DENND6B: variants seen among roughly 807,000 people sequenced by gnomAD.
DENND6B encodes the protein protein DENND6B.
DENND6B carries 73 observed loss-of-function variants against 85.1 expected under a neutral mutation model. The observed-to-expected ratio is 0.86, with a 90% CI of 0.71 to 1.04. DENND6B has a LOEUF of 1.04. DENND6B is among the 50% of genes least tolerant of loss of function. The pLI, the probability that DENND6B is intolerant of heterozygous loss-of-function variation, is 0.00. For missense variants in DENND6B, 715 were observed against 785.8 expected, an observed-to-expected ratio of 0.91 and a Z score of 1.08; for synonymous variants, 357 against 329.3, an observed-to-expected ratio of 1.08 and a Z score of -0.91.
chr22:50,313,567 GT>G, intron 15 of DENND6B, 67 bp downstream of exon 15: 7 of 135,564 alleles, frequency 5.2e-5, no homozygotes, highest in South Asian at 1.9e-4. Context: ...CCGCAGCCCC[GT>G]CCCCCCCAAC....
At position 50,312,035 on chromosome 22, in the gene DENND6B, G is replaced by A. The variant is rs891431405; in HGVS notation, c.*104C>T. 15 of 1,506,058 alleles carry A rather than the reference G, an allele frequency of 1.0e-5. No individual in the cohort carries two copies. The African/African-American group carries it at 1.8e-4, about 18-fold the overall frequency. 93.3% of individuals were successfully genotyped at this position (1,506,058 alleles called of 1,614,324 possible). On this transcript the variant is annotated 3_prime_UTR_variant, in exon 20 of 20. Coordinates refer to ENST00000413817, the MANE Select transcript of DENND6B (RefSeq NM_001001794.4). ...AAGGGGAGCCTGCAGTCTGGGCGGG[G>A]GGCCAAGGAAGGGGAGCGTGTGCTT... is the stretch of plus-strand genomic sequence containing the variant.
chr22:50,319,353 G>A, intron 1 of DENND6B: 1 of 985,230 alleles, frequency 1.0e-6, no homozygotes, highest in Non-Finnish European at 1.2e-6. Context: ...ACCTCCCCAG[G>A]CCCCTCTCAG....
At chr22:50,318,043 C>G in intron 3 of DENND6B, 23 bp from the exon 4 acceptor site, 3 of 1,610,434 alleles carry the variant, frequency 1.9e-6, no homozygotes, top group Non-Finnish European at 2.5e-6. Flanking sequence ...AGCCCCACCA[C>G]ACGGGTCAAG....
In DENND6B at chr22:50,314,197, G is replaced by C. The variant is rs1310882887; in HGVS notation, c.1138+10C>G. Reference sequence around the variant, plus strand: ...CGGTGGAGGGGCTCCAGGTCGAGGGGAGCACAGACCTGGCTTGGTGTCCAG... The same window carrying C: ...CGGTGGAGGGGCTCCAGGTCGAGGGCAGCACAGACCTGGCTTGGTGTCCAG... On this transcript the variant is annotated intron_variant, in intron 13 of 19. Transcript: ENST00000413817. 6 of 1,599,292 alleles carry C rather than the reference G, an allele frequency of 3.8e-6. No homozygotes were observed. The highest frequency in any genetic ancestry group is 3.3e-5 in the Admixed American group (2 of 59,828).
At chr22:50,315,650 G>T in intron 9 of DENND6B, 64 bp downstream of exon 9, 1 of 1,513,856 alleles carries the variant, frequency 6.6e-7, no homozygotes, top group South Asian at 1.2e-5. Flanking sequence ...ACACATGCAC[G>T]TACATGCACG....
chr22:50,316,166 G>T lies in DENND6B; in HGVS notation c.639+8C>A. ...GCAGAGCCTACTCCCCAGCCAGCTG[G>T]CTCTCACCTGGACAACAACGCCCAT... On this transcript the variant is annotated splice_region_variant and intron_variant, in intron 7 of 19. Transcript: ENST00000413817. 1 of 1,612,454 alleles carries T rather than the reference G, an allele frequency of 6.2e-7. No individual in the cohort carries two copies. The highest frequency in any genetic ancestry group is 8.5e-7 in the Non-Finnish European group (1 of 1,179,850).
chr22:50,326,096 A>C (rs2042181438), intron 1 of DENND6B, among the ~76,000 whole-genome samples: 1 of 152,254 alleles, frequency 6.6e-6, no homozygotes, highest in Non-Finnish European at 1.5e-5. Flanking sequence ...GACACAGAGA[A>C]GATCATCCTG....
At chr22:50,319,198 C>CT in intron 1 of DENND6B, 195 bp from the exon 2 acceptor site, 1 of 1,499,240 alleles carries the variant, frequency 6.7e-7, no homozygotes, top group Non-Finnish European at 8.9e-7. Flanking sequence ...ACCATATTCT[C>CT]TGTGTTCCAA....
chr22:50,312,958 C>T, intron 17 of DENND6B, 41 bp downstream of exon 17: 1 of 1,525,372 alleles, frequency 6.6e-7, no homozygotes, highest in Non-Finnish European at 8.9e-7. Context: ...ACCCTGTGGA[C>T]CAAGGAGGGC....
intron 1 of DENND6B, among the ~76,000 whole-genome samples, chr22:50,323,020 C>CTT (rs386395718): frequency 0.43 from 16,887 of 39,032 alleles, 6,281 homozygotes; most frequent in Non-Finnish European, 0.51. Context: ...CCGGCTAATG[C>CTT]TTTTTTTTTT....
At chr22:50,314,521 C>T (rs749792863) in intron 11 of DENND6B, 27 bp from the exon 12 acceptor site, 1 of 1,554,686 alleles carries the variant, frequency 6.4e-7, no homozygotes, top group South Asian at 1.2e-5. Context: ...AGAGAAGAGG[C>T]AGAGACAGAG....
At chr22:50,324,136 C>T (rs1271863209) in intron 1 of DENND6B, among the ~76,000 whole-genome samples, 1 of 151,990 alleles carries the variant, frequency 6.6e-6, no homozygotes, top group Admixed American at 6.6e-5. Context: ...CCTCACAAGC[C>T]AGATCCCTTG....
rs564910965 is a variant in DENND6B, at chr22:50,316,828, G to A, written c.454-353C>T. On this transcript the variant is annotated intron_variant, in intron 5 of 19. Transcript: ENST00000413817. ...TGGGTTGCCCTGACACTGACAGTGT[G>A]ATGACCCTCCAGCCATCAGTGAGGG... 6 of 1,107,256 alleles carry A rather than the reference G, an allele frequency of 5.4e-6. No homozygotes were observed. In the Admixed American group the frequency reaches 9.2e-5, roughly 17 times the overall value. 68.6% of individuals were successfully genotyped at this position (1,107,256 alleles called of 1,614,324 possible).
intron 13 of DENND6B, 141 bp from the exon 14 acceptor site, chr22:50,314,019 C>A: frequency 7.7e-7 from 1 of 1,305,652 alleles, no homozygotes. Context: ...CTCACCCACC[C>A]ACCCCCCAGA....
rs1268649746 is a variant in DENND6B, at chr22:50,327,010, G to C, written c.-22C>G. 5 of 1,164,864 alleles carry C rather than the reference G, an allele frequency of 4.3e-6. No individual in the cohort carries two copies. In the East Asian group the frequency reaches 2.0e-4, roughly 47 times the overall value. 72.2% of individuals were successfully genotyped at this position (1,164,864 alleles called of 1,614,324 possible). On this transcript the variant is annotated 5_prime_UTR_variant, in exon 1 of 20. Coordinates refer to ENST00000413817, the MANE Select transcript of DENND6B (RefSeq NM_001001794.4). ...CCATGGCGGCGGCCGCGGGTTGCCG[G>C]GGAAACGCGGGCGGGGGCGGCGCGC... is the stretch of plus-strand genomic sequence containing the variant.
In DENND6B at chr22:50,316,010, C is replaced by T. The variant is rs372253187; in HGVS notation, c.702+15G>A. ...AGCCCAGCTGTTTCAGCTCCACCTCCGCCTCAGCTCCCACCTCTTGGTCAA... is the reference window on the plus strand; with the variant it reads ...AGCCCAGCTGTTTCAGCTCCACCTCTGCCTCAGCTCCCACCTCTTGGTCAA... On this transcript the variant is annotated intron_variant, in intron 8 of 19. Coordinates refer to ENST00000413817, the MANE Select transcript of DENND6B (RefSeq NM_001001794.4). 30 of 1,612,432 alleles carry T rather than the reference C, an allele frequency of 1.9e-5. No individual in the cohort carries two copies. The highest frequency in any genetic ancestry group is 1.5e-4 in the Admixed American group (9 of 60,000).
intron 1 of DENND6B, among the ~76,000 whole-genome samples, chr22:50,321,299 A>G (rs1417684053): frequency 6.6e-6 from 1 of 152,182 alleles, no homozygotes; most frequent in African/African-American, 2.4e-5. Context: ...GTCCTGTCCT[A>G]GAGGGCTGAA....
intron 3 of DENND6B, 116 bp from the exon 4 acceptor site, chr22:50,318,136 C>T (rs1569204297): frequency 4.1e-6 from 4 of 964,586 alleles, no homozygotes; most frequent in Non-Finnish European, 6.1e-6. Context: ...GGTAAATATA[C>T]CCCAGAAACC....
intron 9 of DENND6B, 123 bp downstream of exon 9, chr22:50,315,591 C>T (rs956989907): frequency 5.1e-5 from 60 of 1,186,326 alleles, no homozygotes; most frequent in Non-Finnish European, 5.9e-5. Flanking sequence ...CACGTGCACA[C>T]GTGCACTCAC....
Sources: gnomAD v4.1 joint callset for allele counts (sites outside exome capture counted in the v4.1 genomes callset) on GRCh38, gnomAD v4.1.1 for gene constraint, MANE v1.5 for transcripts, NCBI Gene and HGNC (gene_info 2026-07-23, HGNC 2026-07-21) for gene names.